SPECC1: variants seen among roughly 807,000 people sequenced by gnomAD.
SPECC1 encodes the protein cytospin-B.
In SPECC1, 62 loss-of-function variants were observed where a neutral mutation model predicts 104.1. The ratio of observed to expected loss-of-function variants is 0.60; its 90% CI spans 0.49 to 0.74. The LOEUF is 0.74. Among genes scored for constraint, SPECC1 ranks in the 30% least tolerant of loss-of-function variants. SPECC1 has a pLI of 0.00. For synonymous variants in SPECC1, 513 were observed against 501.6 expected (o/e 1.02, Z -0.30); for missense variants, 1,306 against 1,310.5 (o/e 1.00, Z 0.05).
intron 3 of SPECC1, among the ~76,000 whole-genome samples, chr17:20,189,487 C>T (rs141604829): frequency 5.6e-4 from 85 of 152,310 alleles, no homozygotes; most frequent in African/African-American, 2.0e-3. Flanking sequence ...CTGGCTTCTC[C>T]TGGAGATGAC....
At chr17:20,034,475 T>G (rs1169655421) in intron 1 of SPECC1, among the ~76,000 whole-genome samples, 1 of 151,930 alleles carries the variant, frequency 6.6e-6, no homozygotes, top group East Asian at 1.9e-4. Flanking sequence ...CCCATATACC[T>G]TTCATCTAGT....
chr17:20,280,045 A>G lies in SPECC1; in HGVS notation c.2941-16916A>G, dbSNP rs140992173. Among the ~76,000 whole-genome samples the G allele has an allele frequency of 1.2e-3, 181 of 152,302 alleles. 1 individual carries two copies. Among genetic ancestry groups the G allele is most frequent in the Non-Finnish European group, 2.2e-3 (148 of 68,016 alleles). Reference sequence around the variant, plus strand: ...AAGGTGGAAGAACCTCTTTGAGGGCAATTTGGCAGAATCCATCAAAATGGA... The same window carrying G: ...AAGGTGGAAGAACCTCTTTGAGGGCGATTTGGCAGAATCCATCAAAATGGA... On this transcript the variant is annotated intron_variant, in intron 12 of 14. Coordinates refer to ENST00000395527, the MANE Select transcript of SPECC1 (RefSeq NM_001243439.2).
intron 1 of SPECC1, among the ~76,000 whole-genome samples, chr17:20,093,158 C>T (rs1170120719): frequency 6.6e-6 from 1 of 152,174 alleles, no homozygotes; most frequent in Non-Finnish European, 1.5e-5. Flanking sequence ...ATTTATTGCT[C>T]ACAGTTCTGG....
intron 3 of SPECC1, among the ~76,000 whole-genome samples, chr17:20,145,589 G>A (rs1019270020): frequency 6.6e-6 from 1 of 152,180 alleles, no homozygotes; most frequent in Non-Finnish European, 1.5e-5. Context: ...AAGAATAAGA[G>A]AACTTTCCCC....
At chr17:20,281,285 C>T (rs530178633) in intron 12 of SPECC1, among the ~76,000 whole-genome samples, 7 of 152,274 alleles carry the variant, frequency 4.6e-5, no homozygotes, top group Admixed American at 3.9e-4. Flanking sequence ...TGAGGACTTA[C>T]TATAAAAGAA....
At chr17:20,059,435 A>G (rs1003764810) in intron 1 of SPECC1, among the ~76,000 whole-genome samples, 3 of 151,982 alleles carry the variant, frequency 2.0e-5, no homozygotes, top group African/African-American at 7.2e-5. Flanking sequence ...TCGCTTGCCT[A>G]TTGCTCACCT....
chr17:20,066,036 TAAC>T (rs2046346768), intron 1 of SPECC1, among the ~76,000 whole-genome samples: 1 of 152,252 alleles, frequency 6.6e-6, no homozygotes, highest in Non-Finnish European at 1.5e-5. Flanking sequence ...CAGTCAATCA[TAAC>T]AACATACCAT....
intron 3 of SPECC1, among the ~76,000 whole-genome samples, chr17:20,202,905 A>G (rs964992087): frequency 2.0e-5 from 3 of 152,240 alleles, no homozygotes; most frequent in African/African-American, 7.2e-5. Context: ...AGTTTTCTAT[A>G]TATTAATTTG....
intron 12 of SPECC1, among the ~76,000 whole-genome samples, chr17:20,263,366 T>C (rs2040098361): frequency 8.4e-6 from 1 of 119,586 alleles, no homozygotes; most frequent in Non-Finnish European, 1.7e-5. Flanking sequence ...CGGGGGCCTG[T>C]TGTGGGGTGG....
intron 2 of SPECC1, among the ~76,000 whole-genome samples, chr17:20,099,081 G>A (rs923232725): frequency 6.6e-6 from 1 of 152,202 alleles, no homozygotes; most frequent in Non-Finnish European, 1.5e-5. Context: ...CCCTGAGCTT[G>A]TGCTTCCTTG....
intron 3 of SPECC1, among the ~76,000 whole-genome samples, chr17:20,114,795 A>C (rs1277350151): frequency 1.3e-5 from 2 of 152,236 alleles, no homozygotes; most frequent in South Asian, 2.1e-4. Flanking sequence ...AGTAAAGGGC[A>C]CATATGCATA....
chr17:20,188,684 G>A (rs2035447759), intron 3 of SPECC1, among the ~76,000 whole-genome samples: 1 of 152,166 alleles, frequency 6.6e-6, no homozygotes. Flanking sequence ...TATGAACTGA[G>A]TTTTGTGTGC....
chr17:20,314,154 C>A lies in SPECC1; in HGVS notation c.*89C>A. The A allele has an allele frequency of 1.8e-6, 2 of 1,104,582 alleles. No homozygotes were observed. Among genetic ancestry groups the A allele is most frequent in the Non-Finnish European group, 1.3e-6 (1 of 743,262 alleles). The allele number at this position is 1,104,582 out of a possible 1,614,324, so 68.4% of individuals were successfully genotyped here. A position where few individuals can be genotyped will look rare whatever the true frequency, so the allele number is the denominator to read the frequency against. On this transcript the variant is annotated 3_prime_UTR_variant, in exon 15 of 15. Coordinates refer to ENST00000395527, the MANE Select transcript of SPECC1 (RefSeq NM_001243439.2). ...TACTGTCCACTGACCCTGCTCTGCCCACCACCCAGCTGCCTAGACTTCAAA... is the reference window on the plus strand; with the variant it reads ...TACTGTCCACTGACCCTGCTCTGCCAACCACCCAGCTGCCTAGACTTCAAA...
chr17:20,178,149 T>C (rs1460343169), intron 3 of SPECC1, among the ~76,000 whole-genome samples: 2 of 152,216 alleles, frequency 1.3e-5, no homozygotes, highest in Non-Finnish European at 2.9e-5. Flanking sequence ...GCCTCCCTAG[T>C]AGCTGGGACT....
chr17:20,262,503 G>A (rs1374593658), intron 12 of SPECC1, among the ~76,000 whole-genome samples: 1 of 152,204 alleles, frequency 6.6e-6, no homozygotes, highest in Non-Finnish European at 1.5e-5. Flanking sequence ...GTAATGTGTA[G>A]TACTGTCTCA....
intron 12 of SPECC1, among the ~76,000 whole-genome samples, chr17:20,284,165 G>A (rs1376718988): frequency 6.6e-6 from 1 of 152,134 alleles, no homozygotes; most frequent in Non-Finnish European, 1.5e-5. Context: ...TAATCCCTGG[G>A]AGAAGGGAAA....
rs558640116 is a variant in SPECC1 at position 20,126,806 on chromosome 17, G to A, written c.283+16244G>A. Among the ~76,000 whole-genome samples the A allele has an allele frequency of 7.2e-5, 11 of 152,216 alleles. No individual in the cohort carries two copies. In the East Asian group the frequency reaches 1.5e-3, roughly 21 times the overall value. ...AATATGATGCAGAAAGTTGGCTTGG[G>A]GCTTTGTTTTACATGTTAAGTCTTC... On this transcript the variant is annotated intron_variant, in intron 3 of 14. Coordinates refer to ENST00000395527, the MANE Select transcript of SPECC1 (RefSeq NM_001243439.2).
At chr17:20,212,440 A>G (rs2037214271) in intron 4 of SPECC1, among the ~76,000 whole-genome samples, 1 of 152,220 alleles carries the variant, frequency 6.6e-6, no homozygotes. Flanking sequence ...ATGCCTCACA[A>G]TCATGGTGGA....
At chr17:20,239,370 G>A in intron 7 of SPECC1, 1 of 773,850 alleles carries the variant, frequency 1.3e-6, no homozygotes, top group Non-Finnish European at 1.6e-6. Context: ...CTTTACTCAT[G>A]AATATGTATA....
Sources: gnomAD v4.1 joint callset for allele counts (sites outside exome capture counted in the v4.1 genomes callset) on GRCh38, gnomAD v4.1.1 for gene constraint, MANE v1.5 for transcripts, NCBI Gene and HGNC (gene_info 2026-07-23, HGNC 2026-07-21) for gene names.